The following COG3 variants were observed in gnomAD, a reference collection of about 807,000 sequenced individuals.
The protein encoded by COG3 is component of oligomeric golgi complex 3, also known as conserved oligomeric Golgi complex subunit 3.
A neutral mutation model predicts 114.1 loss-of-function variants in COG3; 32 were observed. The ratio of observed to expected loss-of-function variants is 0.28; its 90% CI spans 0.21 to 0.38. COG3 has a LOEUF of 0.38. Among genes scored for constraint, COG3 ranks in the 10% least tolerant of loss-of-function variants. COG3 has a pLI of 1.00. For synonymous variants in COG3, 352 were observed against 365.7 expected (o/e 0.96, Z 0.43); for missense variants, 813 against 973.2 (o/e 0.84, Z 2.19).
At chr13:45,514,757 C>T (rs1489908610) in intron 16 of COG3, among the ~76,000 whole-genome samples, 1 of 152,016 alleles carries the variant, frequency 6.6e-6, no homozygotes, top group South Asian at 2.1e-4. Context: ...ACGCCATTCT[C>T]CTGCCTCAGC....
Position 45,490,915 on chromosome 13 carries a change from A to G in COG3, c.925A>G (p.Thr309Ala). 2 of 1,579,954 alleles carry G rather than the reference A, an allele frequency of 1.3e-6. No individual in the cohort carries two copies. Among genetic ancestry groups the G allele is most frequent in the South Asian group, 1.1e-5 (1 of 87,096 alleles). The change falls in exon 9 of 23, where the codon ACT (threonine) becomes GCT (alanine). Residue 309 changes from threonine to alanine, a missense_variant and splice_region_variant. Thr to Ala is a moderately conservative substitution (Grantham distance 58). Coordinates refer to ENST00000349995, the MANE Select transcript of COG3 (RefSeq NM_031431.4). Reference sequence around the variant, plus strand: ...TGATGCATTTTTTCTTACTTTGCAGACTCTTATTGAACAAATAGAACTGCG... The same window carrying G: ...TGATGCATTTTTTCTTACTTTGCAGGCTCTTATTGAACAAATAGAACTGCG... ...KFRAAAPKVR[T>A]LIEQIELRSE...
At chr13:45,486,643 G>T in intron 8 of COG3, 68 bp downstream of exon 8, 1 of 905,868 alleles carries the variant, frequency 1.1e-6, no homozygotes, top group African/African-American at 1.6e-5. Context: ...AAGTACTGTT[G>T]TATGTTAGGC....
intron 1 of COG3, among the ~76,000 whole-genome samples, chr13:45,468,196 C>G (rs1885264091): frequency 6.6e-6 from 1 of 152,138 alleles, no homozygotes; most frequent in African/African-American, 2.4e-5. Context: ...TTCTTGTAGG[C>G]TGTGTGACCT....
At chr13:45,486,433 G>C in intron 7 of COG3, 62 bp from the exon 8 acceptor site, 1 of 1,064,936 alleles carries the variant, frequency 9.4e-7, no homozygotes, top group South Asian at 1.3e-5. Context: ...TTGCTGTTGG[G>C]TTTTCTGAAT....
At chr13:45,527,994 T>TA (rs1359894779) in intron 20 of COG3, among the ~76,000 whole-genome samples, 1 of 152,276 alleles carries the variant, frequency 6.6e-6, no homozygotes, top group East Asian at 1.9e-4. Context: ...TAGGTATTCC[T>TA]AGCCTCTAGA....
chr13:45,468,071 G>T (rs71431375), intron 1 of COG3, among the ~76,000 whole-genome samples: 11,630 of 152,218 alleles, frequency 0.076, 523 homozygotes, highest in African/African-American at 0.11. Flanking sequence ...TTGTAGCCAG[G>T]GCAAACTTAG....
At chr13:45,504,607 G>A (rs535954442) in intron 14 of COG3, among the ~76,000 whole-genome samples, 1 of 152,282 alleles carries the variant, frequency 6.6e-6, no homozygotes, top group East Asian at 1.9e-4. Flanking sequence ...AACCAGGGTG[G>A]TGTTGGGGGG....
At chr13:45,500,868 G>C (rs1869449227) in intron 13 of COG3, among the ~76,000 whole-genome samples, 1 of 152,132 alleles carries the variant, frequency 6.6e-6, no homozygotes, top group African/African-American at 2.4e-5. Context: ...TGTTTTCGAT[G>C]ACTTAGCAGT....
Position 45,522,237 on chromosome 13 carries a change from G to A in COG3, c.2155-2739G>A, listed in dbSNP as rs114456708. Among the ~76,000 whole-genome samples, 521 of 151,416 alleles carry A rather than the reference G, an allele frequency of 3.4e-3. 5 individuals are homozygous for A. Among genetic ancestry groups the A allele is most frequent in the African/African-American group, 0.012 (508 of 41,214 alleles). On this transcript the variant is annotated intron_variant, in intron 19 of 22. Transcript: ENST00000349995. ...AGGTCTCGGTATTTATCATTTGGGT[G>A]TAAGGCTCATCAACAAAATGTCCTC... is the stretch of plus-strand genomic sequence containing the variant.
In COG3 at chr13:45,508,386, T is replaced by TTA. The variant is rs10571584; in HGVS notation, c.1595-1289_1595-1288dup. On this transcript the variant is annotated intron_variant, in intron 14 of 22. Coordinates refer to ENST00000349995, the MANE Select transcript of COG3 (RefSeq NM_031431.4). Reference sequence around the variant, plus strand: ...AACATTTTATTTTTTATATATATTTTTATATATATATATATATACACACAC... The same window carrying TTA: ...AACATTTTATTTTTTATATATATTTTTATATATATATATATATATACACACAC... Among the ~76,000 whole-genome samples the TTA allele has an allele frequency of 8.1e-3, 885 of 109,658 alleles. 12 individuals carry two copies. Among genetic ancestry groups the TTA allele is most frequent in the African/African-American group, 0.022 (738 of 32,908 alleles). The allele number at this position is 109,658 out of a possible 152,430, so 71.9% of individuals were successfully genotyped here. A position where few individuals can be genotyped will look rare whatever the true frequency, so the allele number is the denominator to read the frequency against.
chr13:45,466,880 G>T (rs981440819), intron 1 of COG3, among the ~76,000 whole-genome samples: 3 of 152,132 alleles, frequency 2.0e-5, no homozygotes, highest in Non-Finnish European at 4.4e-5. Context: ...TTTAACATAT[G>T]TTATGTCCCT....
Position 45,476,346 on chromosome 13 carries a change from A to G in COG3, c.320A>G (p.Gln107Arg), listed in dbSNP as rs1488327262. Reference sequence around the variant, plus strand: ...GAAGAAAGAATTGAAACCGCACAGCAGGTGAATTGCAGTATCTTTTCTAAG... The same window carrying G: ...GAAGAAAGAATTGAAACCGCACAGCGGGTGAATTGCAGTATCTTTTCTAAG... ...MEEERIETAQQFFSWFAKLQT... is the reference protein window; with the variant it reads ...MEEERIETAQRFFSWFAKLQT... Residue 107 changes from glutamine to arginine, a missense_variant and splice_region_variant, in exon 2 of 23, where the codon CAG becomes CGG. Physicochemically the swap from Gln to Arg is conservative, Grantham distance 43 (BLOSUM62 1). Transcript: ENST00000349995. 2 of 1,613,382 alleles carry G rather than the reference A, an allele frequency of 1.2e-6. No homozygotes were observed. Among genetic ancestry groups the G allele is most frequent in the Admixed American group, 1.7e-5 (1 of 59,970 alleles).
chr13:45,522,318 A>G (rs142091192), intron 19 of COG3, among the ~76,000 whole-genome samples: 2 of 152,256 alleles, frequency 1.3e-5, no homozygotes, highest in Non-Finnish European at 2.9e-5. Flanking sequence ...TACCGTGTAG[A>G]GAATATTTTT....
At chr13:45,470,788 G>A (rs1483121862) in intron 1 of COG3, among the ~76,000 whole-genome samples, 1 of 152,230 alleles carries the variant, frequency 6.6e-6, no homozygotes, top group African/African-American at 2.4e-5. Flanking sequence ...CAGGTCCTCT[G>A]TGTATTTTCA....
chr13:45,474,863 C>T (rs868281787), intron 1 of COG3, among the ~76,000 whole-genome samples: 53 of 152,240 alleles, frequency 3.5e-4, no homozygotes, highest in Admixed American at 7.2e-4. Context: ...GAACTGAGAG[C>T]TGAAAACTGG....
intron 6 of COG3, among the ~76,000 whole-genome samples, chr13:45,483,014 A>G (rs908639984): frequency 6.6e-6 from 1 of 152,204 alleles, no homozygotes; most frequent in African/African-American, 2.4e-5. Context: ...AACTGCAAAT[A>G]TGTATGGAGC....
chr13:45,529,827 C>T lies in COG3; in HGVS notation c.2267C>T (p.Thr756Ile). 6.2e-7 allele frequency: 1 copy of T among 1,613,234 alleles called. No individual in the cohort carries two copies. The highest frequency in any genetic ancestry group is 1.1e-5 in the South Asian group (1 of 91,038). ...GACCTTGCGGCAACTGCATATAAGA[C>T]AATAAAAACAAAGCTGCCTGTGACA... is the stretch of plus-strand genomic sequence containing the variant. ...VNDLAATAYK[T>I]IKTKLPVTLR... The change falls in exon 21 of 23, where the codon ACA (threonine) becomes ATA (isoleucine). Residue 756 changes from threonine (T) to isoleucine (I), a missense_variant. By Grantham distance (89) the Thr-to-Ile change is moderately conservative. Transcript: ENST00000349995.
intron 14 of COG3, among the ~76,000 whole-genome samples, chr13:45,508,392 A>G (rs1870455315): frequency 9.7e-6 from 1 of 102,764 alleles, no homozygotes; most frequent in Non-Finnish European, 1.8e-5. Context: ...ATTTTTATAT[A>G]TATATATATA....
intron 2 of COG3, among the ~76,000 whole-genome samples, chr13:45,476,709 T>C (rs1885887726): frequency 2.8e-5 from 2 of 70,748 alleles, no homozygotes; most frequent in South Asian, 1.2e-3. Context: ...GTAGTCCTTT[T>C]TTAAAAAACC....
Sources: allele counts gnomAD v4.1 joint callset (sites outside exome capture counted in the v4.1 genomes callset), GRCh38; gene constraint gnomAD v4.1.1; transcripts MANE v1.5; gene names NCBI Gene and HGNC (gene_info 2026-07-23, HGNC 2026-07-21).